The following IL1RAPL2 variants were observed in gnomAD, a reference collection of about 807,000 sequenced individuals.
IL1RAPL2 encodes the protein interleukin 1 receptor accessory protein like 2, also known as X-linked interleukin-1 receptor accessory protein-like 2.
A neutral mutation model predicts 44.1 loss-of-function variants in IL1RAPL2; 3 were observed. The observed-to-expected ratio is 0.07, with a 90% CI of 0.03 to 0.18. IL1RAPL2 has a LOEUF of 0.18. Ranked by LOEUF, IL1RAPL2 falls within the 10% of genes least tolerant of loss-of-function variation. The pLI is 1.00. For missense variants in IL1RAPL2, 391 were observed against 496.4 expected, an observed-to-expected ratio of 0.79 and a Z score of 2.02; for synonymous variants, 181 against 178.8, an observed-to-expected ratio of 1.01 and a Z score of -0.10.
At chrX:105,230,846 A>G (rs183783132) in intron 3 of IL1RAPL2, among the ~76,000 whole-genome samples, 1 of 111,671 alleles carries the variant, frequency 9.0e-6, no homozygotes, top group East Asian at 2.8e-4. Context: ...AGTTGAGTCT[A>G]GTGAGGCTTA....
At chrX:104,717,658 C>T (rs28663112) in intron 2 of IL1RAPL2, among the ~76,000 whole-genome samples, 5,725 of 108,628 alleles carry the variant, frequency 0.053, 401 homozygotes, top group African/African-American at 0.18. Context: ...ATGTGTACAA[C>T]GTGCAGGTTT....
intron 5 of IL1RAPL2, among the ~76,000 whole-genome samples, chrX:105,428,739 T>C (rs1268459829): frequency 8.9e-6 from 1 of 111,839 alleles, no homozygotes; most frequent in Non-Finnish European, 1.9e-5. Context: ...ATAATGTCCC[T>C]CCTATAGAAC....
intron 2 of IL1RAPL2, among the ~76,000 whole-genome samples, chrX:104,908,173 C>T (rs902913742): frequency 1.8e-5 from 2 of 111,360 alleles, no homozygotes; most frequent in African/African-American, 3.3e-5. Context: ...TTCCTCCATC[C>T]TTTTATTTTG....
intron 6 of IL1RAPL2, among the ~76,000 whole-genome samples, chrX:105,570,063 C>T (rs1407493402): frequency 9.1e-6 from 1 of 110,484 alleles, no homozygotes; most frequent in Non-Finnish European, 1.9e-5. Flanking sequence ...TTTGGTGTAC[C>T]CTTCACCTGA....
At chrX:105,516,328 T>C (rs989009722) in intron 6 of IL1RAPL2, among the ~76,000 whole-genome samples, 1 of 112,194 alleles carries the variant, frequency 8.9e-6, no homozygotes, top group Non-Finnish European at 1.9e-5. Context: ...CTTGCTGCAC[T>C]GTTTTAAAAA....
intron 5 of IL1RAPL2, among the ~76,000 whole-genome samples, chrX:105,349,985 C>G (rs2035140276): frequency 8.9e-6 from 1 of 112,265 alleles, no homozygotes; most frequent in African/African-American, 3.2e-5. Flanking sequence ...CAGTCAAGGT[C>G]TGACTTACAA....
At chrX:105,034,586 G>A (rs924472859) in intron 2 of IL1RAPL2, among the ~76,000 whole-genome samples, 1 of 111,874 alleles carries the variant, frequency 8.9e-6, no homozygotes, top group African/African-American at 3.3e-5. Flanking sequence ...GCTGCTGCCT[G>A]ATTGTTCCTC....
Position 105,071,173 on chromosome X carries a change from A to G in IL1RAPL2, c.83-124302A>G, listed in dbSNP as rs894753714. On this transcript the variant is annotated intron_variant, in intron 2 of 10. Transcript: ENST00000372582. ...GACTCCATGAAAAACTGTTAAAATG[A>G]AAATGGTAAAAGTGCAGGATACAAA... 1.8e-4 allele frequency among the ~76,000 whole-genome samples: 20 copies of G among 112,040 alleles called. 1 individual carries two copies. The highest frequency in any genetic ancestry group is 3.2e-4 in the Non-Finnish European group (17 of 53,219).
intron 6 of IL1RAPL2, among the ~76,000 whole-genome samples, chrX:105,587,547 T>C (rs1434121681): frequency 1.8e-5 from 2 of 111,845 alleles, no homozygotes; most frequent in Non-Finnish European, 3.8e-5. Flanking sequence ...TTGTTTCTTT[T>C]CTACTTTATT....
chrX:105,601,556 C>T (rs1012900193), intron 6 of IL1RAPL2, among the ~76,000 whole-genome samples: 3 of 111,265 alleles, frequency 2.7e-5, no homozygotes, highest in South Asian at 3.8e-4. Context: ...CGCCTATTGC[C>T]GCTGTGGATG....
Position 104,777,541 on chromosome X carries a change from A to AATTATTATT in IL1RAPL2, c.82+118589_82+118597dup, listed in dbSNP as rs376271609. Among the ~76,000 whole-genome samples, 183 of 85,311 alleles carry AATTATTATT rather than the reference A, an allele frequency of 2.1e-3. 2 individuals carry two copies. Among genetic ancestry groups the AATTATTATT allele is most frequent in the Middle Eastern group, 6.0e-3 (1 of 167 alleles). The allele number at this position is 85,311 out of a possible 115,157, so 74.1% of individuals were successfully genotyped here. A position where few individuals can be genotyped will look rare whatever the true frequency, so the allele number is the denominator to read the frequency against. ...AATATCTCTTTGAGACTCTGCTTTC[A>AATTATTATT]ATTATTATTATTATTATTATTATTA... On this transcript the variant is annotated intron_variant, in intron 2 of 10. Transcript: ENST00000372582.
intron 6 of IL1RAPL2, among the ~76,000 whole-genome samples, chrX:105,494,782 G>A (rs1224537864): frequency 9.0e-6 from 1 of 111,295 alleles, no homozygotes; most frequent in Non-Finnish European, 1.9e-5. Flanking sequence ...AGCTTCCTAA[G>A]TAGCTGGGAC....
At chrX:104,826,938 C>CTTTTTTTTTTTTTT (rs1176113214) in intron 2 of IL1RAPL2, among the ~76,000 whole-genome samples, 12 of 34,870 alleles carry the variant, frequency 3.4e-4, no homozygotes, top group African/African-American at 3.8e-4. Flanking sequence ...GCAACCCCTG[C>CTTTTTTTTTTTTTT]TTTTTTTTTT....
intron 2 of IL1RAPL2, among the ~76,000 whole-genome samples, chrX:105,151,030 G>A (rs926558437): frequency 4.5e-5 from 5 of 111,990 alleles, no homozygotes; most frequent in Non-Finnish European, 9.4e-5. Context: ...CAAGTTGTTA[G>A]GAAATATTTC....
chrX:105,688,328 G>A (rs934776888), intron 6 of IL1RAPL2, among the ~76,000 whole-genome samples: 5 of 111,621 alleles, frequency 4.5e-5, no homozygotes, highest in African/African-American at 1.3e-4. Flanking sequence ...AAACCCCATC[G>A]TCACAGCCCA....
chrX:104,920,568 G>T (rs1409911822), intron 2 of IL1RAPL2, among the ~76,000 whole-genome samples: 1 of 102,534 alleles, frequency 9.8e-6, no homozygotes, highest in South Asian at 5.0e-4. Context: ...CATGTGACGT[G>T]CCTGCTTCTG....
At chrX:104,782,504 G>A (rs1377322459) in intron 2 of IL1RAPL2, among the ~76,000 whole-genome samples, 1 of 111,538 alleles carries the variant, frequency 9.0e-6, no homozygotes, top group Admixed American at 9.5e-5. Context: ...AGGTTTAGGG[G>A]ACATTTATTA....
At chrX:105,711,888 T>C (rs2038213883) in intron 6 of IL1RAPL2, among the ~76,000 whole-genome samples, 1 of 112,282 alleles carries the variant, frequency 8.9e-6, no homozygotes, top group Admixed American at 9.4e-5. Flanking sequence ...AACTGGAGAA[T>C]AATTTGCTTT....
intron 7 of IL1RAPL2, among the ~76,000 whole-genome samples, chrX:105,733,378 C>G (rs1021730704): frequency 5.4e-5 from 6 of 110,653 alleles, no homozygotes; most frequent in African/African-American, 2.0e-4. Context: ...GCTTTGTGTT[C>G]TTGGAGCTTC....
Sources: gnomAD v4.1 joint callset for allele counts (sites outside exome capture counted in the v4.1 genomes callset) on GRCh38, gnomAD v4.1.1 for gene constraint, MANE v1.5 for transcripts, NCBI Gene and HGNC (gene_info 2026-07-23, HGNC 2026-07-21) for gene names.